Variants in SNX14 observed in about 807,000 individuals in gnomAD.
The protein encoded by SNX14 is sorting nexin 14.
A neutral mutation model predicts 133.8 loss-of-function variants in SNX14; 93 were observed. The observed-to-expected ratio is 0.70, with a 90% confidence interval of 0.59 to 0.83. The LOEUF (loss-of-function observed/expected upper bound fraction) is 0.83. SNX14 is among the 40% of genes least tolerant of loss of function. The pLI is 0.00. For synonymous variants in SNX14, 368 were observed against 365.6 expected (o/e 1.01, Z -0.07); for missense variants, 945 against 1,094.9 (o/e 0.86, Z 1.93).
chr6:85,514,701 A>ATTGATTTT, intron 23 of SNX14, 72 bp from the exon 24 acceptor site: 1 of 1,474,090 alleles, frequency 6.8e-7, no homozygotes, highest in South Asian at 1.2e-5. Context: ...AATAAGGATT[A>ATTGATTTT]AGTGTCACAC....
chr6:85,543,417 C>A, intron 13 of SNX14, 111 bp from the exon 14 acceptor site: 1 of 1,120,234 alleles, frequency 8.9e-7, no homozygotes, highest in Non-Finnish European at 1.2e-6. Context: ...GAAATTAGAC[C>A]AACCAAGCTC....
At chr6:85,552,778 G>A (rs1010805379) in intron 7 of SNX14, among the ~76,000 whole-genome samples, 2 of 152,130 alleles carry the variant, frequency 1.3e-5, no homozygotes, top group Non-Finnish European at 2.9e-5. Context: ...TCTAACCACC[G>A]TTCTTTGTTC....
chr6:85,577,792 GAACA>G (rs1562391346), intron 1 of SNX14, among the ~76,000 whole-genome samples: 1 of 151,496 alleles, frequency 6.6e-6, no homozygotes, highest in Non-Finnish European at 1.5e-5. Flanking sequence ...AAACACAAAC[GAACA>G]AACAAACAGA....
At chr6:85,568,145 AC>A (rs1794486737) in intron 4 of SNX14, 1 of 152,158 alleles carries the variant, frequency 6.6e-6, no homozygotes, top group African/African-American at 2.4e-5. Context: ...AATGACATGC[AC>A]ATATTTCTAA....
chr6:85,574,436 C>A (rs1446920105), intron 1 of SNX14, 58 bp from the exon 2 acceptor site: 1 of 1,285,390 alleles, frequency 7.8e-7, no homozygotes, highest in Non-Finnish European at 1.1e-6. Flanking sequence ...TTCTAAGTTA[C>A]CGCTTCACTG....
At chr6:85,567,874 T>A in intron 4 of SNX14, 1 of 195,416 alleles carries the variant, frequency 5.1e-6, no homozygotes, top group South Asian at 9.2e-5. Context: ...TCCCAGCTAT[T>A]TGGGGGGCTG....
intron 7 of SNX14, among the ~76,000 whole-genome samples, chr6:85,555,316 C>A (rs1453598595): frequency 6.6e-6 from 1 of 152,076 alleles, no homozygotes; most frequent in African/African-American, 2.4e-5. Context: ...TTATAATTGC[C>A]AAAAATTGGA....
intron 1 of SNX14, among the ~76,000 whole-genome samples, chr6:85,582,584 G>A (rs1799377694): frequency 6.6e-6 from 1 of 151,792 alleles, no homozygotes; most frequent in Admixed American, 6.6e-5. Flanking sequence ...AATAAAAAAT[G>A]ATAAAGGGGA....
rs1245413846 is a variant in SNX14, at chr6:85,549,756, G to A, written c.758C>T (p.Pro253Leu). 1 of 1,613,246 alleles carries A rather than the reference G, an allele frequency of 6.2e-7. No homozygotes were observed. The highest frequency in any genetic ancestry group is 1.1e-5 in the South Asian group (1 of 90,934). ...YLRKLTELLF[P>L]YILPPKATDC... is the part of the protein sequence containing the mutation. Reference sequence around the variant, plus strand: ...TGTTGCTTTAGGAGGCAAAATATAAGGAAAAAGCAGTTCAGTAAGTTTCCT... The same window carrying A: ...TGTTGCTTTAGGAGGCAAAATATAAAGAAAAAGCAGTTCAGTAAGTTTCCT... The change falls in exon 8 of 29, where the codon CCT becomes CTT. Residue 253 changes from proline to leucine, a missense_variant. Pro to Leu is a moderately conservative substitution (Grantham distance 98). Around this residue, in one of 3 missense-constraint regions of SNX14, gnomAD observed 514 missense variants for 538.8 expected, o/e 0.95. Transcript: ENST00000314673.
At chr6:85,588,673 C>T (rs1291932474) in intron 1 of SNX14, among the ~76,000 whole-genome samples, 1 of 152,174 alleles carries the variant, frequency 6.6e-6, no homozygotes, top group Admixed American at 6.6e-5. Flanking sequence ...CAACAATTCA[C>T]ATACAACTTT....
Position 85,507,152 on chromosome 6 carries a change from CT to C in SNX14, c.2802+80del, listed in dbSNP as rs898338462. The stretch of plus-strand genomic sequence containing the variant: ...CACAGAGAACAGAGACAAGGGTTTT[CT>C]TACATTTATGTCCCTAATTAAAATA... On this transcript the variant is annotated intron_variant, in intron 28 of 28. Transcript: ENST00000314673. 1.0e-5 allele frequency: 13 copies of C among 1,258,558 alleles called. No homozygotes were observed. The African/African-American group carries it at 2.0e-4, about 19-fold the overall frequency. The allele number at this position is 1,258,558 out of a possible 1,614,324, so 78.0% of individuals were successfully genotyped here. A position where few individuals can be genotyped will look rare whatever the true frequency, so the allele number is the denominator to read the frequency against.
intron 6 of SNX14, among the ~76,000 whole-genome samples, chr6:85,560,826 G>A (rs1300253530): frequency 6.6e-6 from 1 of 151,966 alleles, no homozygotes; most frequent in Non-Finnish European, 1.5e-5. Context: ...TTGAAGTCAG[G>A]AGTTCGAGAC....
At chr6:85,564,002 A>C (rs538891540) in intron 6 of SNX14, among the ~76,000 whole-genome samples, 1 of 151,772 alleles carries the variant, frequency 6.6e-6, no homozygotes, top group African/African-American at 2.4e-5. Context: ...ATTCCCACCT[A>C]TGAGTAAGAA....
chr6:85,506,920 A>G (rs964122897), intron 28 of SNX14, among the ~76,000 whole-genome samples: 4 of 152,174 alleles, frequency 2.6e-5, no homozygotes, highest in Admixed American at 6.5e-5. Flanking sequence ...GGTGCAGACG[A>G]TAACACTGAG....
chr6:85,525,981 C>A, intron 21 of SNX14, 145 bp downstream of exon 21: 2 of 487,078 alleles, frequency 4.1e-6, no homozygotes. Context: ...AGATTAAGGT[C>A]AGCATCTGAC....
At chr6:85,560,935 G>A (rs1316014383) in intron 6 of SNX14, among the ~76,000 whole-genome samples, 1 of 151,634 alleles carries the variant, frequency 6.6e-6, no homozygotes, top group African/African-American at 2.4e-5. Flanking sequence ...TCCAGAGGCT[G>A]AGGCAGGAGA....
intron 21 of SNX14, among the ~76,000 whole-genome samples, chr6:85,525,499 T>C (rs1233562777): frequency 6.6e-6 from 1 of 152,144 alleles, no homozygotes; most frequent in Non-Finnish European, 1.5e-5. Flanking sequence ...TAGCCAACAA[T>C]TAAACTTTAA....
intron 23 of SNX14, among the ~76,000 whole-genome samples, chr6:85,516,591 G>T (rs1775071237): frequency 6.7e-6 from 1 of 148,650 alleles, no homozygotes. Flanking sequence ...AAAATTATAG[G>T]CTATATTCTA....
At chr6:85,508,464 G>C in intron 26 of SNX14, 1 of 824,754 alleles carries the variant, frequency 1.2e-6, no homozygotes, top group Non-Finnish European at 1.5e-6. Context: ...AAAAATGTAA[G>C]GATTAACACC....
Sources: allele counts gnomAD v4.1 joint callset (sites outside exome capture counted in the v4.1 genomes callset), GRCh38; gene constraint gnomAD v4.1.1; regional missense constraint gnomAD v4.1.1; transcripts MANE v1.5; gene names NCBI Gene and HGNC (gene_info 2026-07-23, HGNC 2026-07-21).